The following CLCN6 variants were observed in gnomAD, a reference collection of about 807,000 sequenced individuals.
CLCN6 encodes the protein Cl-/H+ antiporter 6.
Under a neutral mutation model 109.8 loss-of-function variants are expected in CLCN6, and 70 were observed. The observed-to-expected ratio is 0.64, with a 90% confidence interval of 0.53 to 0.78. The LOEUF is 0.78. Among genes scored for constraint, CLCN6 ranks in the 30% least tolerant of loss-of-function variants. The pLI is 0.00. For missense variants in CLCN6, 984 were observed against 1,142.3 expected, an observed-to-expected ratio of 0.86 and a Z score of 2.00; for synonymous variants, 444 against 447.8, an observed-to-expected ratio of 0.99 and a Z score of 0.11.
At chr1:11,832,267 T>C (rs1039226087) in intron 13 of CLCN6, among the ~76,000 whole-genome samples, 3 of 152,222 alleles carry the variant, frequency 2.0e-5, no homozygotes, top group Non-Finnish European at 4.4e-5. Flanking sequence ...TCAACGTCAC[T>C]AGAGAGTGGC....
chr1:11,819,273 C>G (rs534272984), intron 4 of CLCN6, among the ~76,000 whole-genome samples: 100 of 152,304 alleles, frequency 6.6e-4, no homozygotes, highest in Middle Eastern at 3.4e-3. Flanking sequence ...TAGCTGTACT[C>G]TCTGCCTTTG....
rs1490714342 is a variant in CLCN6, at chr1:11,833,900, G to C, written c.1396G>C (p.Ala466Pro). 1.2e-6 allele frequency: 2 copies of C among 1,613,102 alleles called. No individual in the cohort carries two copies. The highest frequency in any genetic ancestry group is 2.2e-5 in the South Asian group (2 of 90,928). ...AGGTACTTTCAGCCCCGTCACTCTG[G>C]CCTTGTTCTTCGTTCTCTATTTCTT... ...QDGTFSPVTLALFFVLYFLLA... is the reference protein window; with the variant it reads ...QDGTFSPVTLPLFFVLYFLLA... Residue 466 changes from alanine to proline, a missense_variant, in exon 15 of 23, where the codon GCC becomes CCC. By Grantham distance (27) the Ala-to-Pro change is conservative. Transcript: ENST00000346436.
rs569321818 is a variant in CLCN6, at chr1:11,829,694, A to G, written c.1248+372A>G. On this transcript the variant is annotated intron_variant, in intron 13 of 22. Coordinates refer to ENST00000346436, the MANE Select transcript of CLCN6 (RefSeq NM_001286.5). ...GCGTCACAGAGGGGAACCTGGGAAC[A>G]ACCCTGGCATCACAGAGGGGAACCT... Among the ~76,000 whole-genome samples, 210 of 136,196 alleles carry G rather than the reference A, an allele frequency of 1.5e-3. 2 individuals carry two copies. Among genetic ancestry groups the G allele is most frequent in the East Asian group, 1.5e-3 (7 of 4,820 alleles). The allele number at this position is 136,196 out of a possible 152,430, so 89.3% of individuals were successfully genotyped here.
chr1:11,836,175 GA>G, intron 18 of CLCN6, 22 bp downstream of exon 18: 2 of 1,604,856 alleles, frequency 1.2e-6, no homozygotes, highest in Admixed American at 1.7e-5. Flanking sequence ...GGCATGAGAG[GA>G]AAGGCAGGTG....
At chr1:11,806,654 C>A (rs1181193215) in intron 1 of CLCN6, 9 of 410,396 alleles carry the variant, frequency 2.2e-5, no homozygotes, top group Admixed American at 4.6e-5. Context: ...GAATGAGCTT[C>A]CTCACAGGAC....
chr1:11,840,330 C>G lies in CLCN6; in HGVS notation c.*107C>G. On this transcript the variant is annotated 3_prime_UTR_variant, in exon 23 of 23. Transcript: ENST00000346436. The stretch of plus-strand genomic sequence containing the variant: ...CCGGGGCATGGAAGATTCCCAGTCA[C>G]CCACTCACTCAGAAAGCCGGGAGTC... 1 of 975,188 alleles carries G rather than the reference C, an allele frequency of 1.0e-6. No individual in the cohort carries two copies. The highest frequency in any genetic ancestry group is 1.3e-5 in the South Asian group (1 of 77,958). 60.4% of individuals were successfully genotyped at this position (975,188 alleles called of 1,614,324 possible).
chr1:11,825,399 A>T (rs1432524231), intron 8 of CLCN6, among the ~76,000 whole-genome samples: 38 of 152,222 alleles, frequency 2.5e-4, no homozygotes, highest in Admixed American at 2.5e-3. Context: ...GGGCAGACAG[A>T]GGACAGGCTC....
intron 19 of CLCN6, 38 bp from the exon 20 acceptor site, chr1:11,837,305 G>C: frequency 1.3e-6 from 2 of 1,598,766 alleles, no homozygotes. Flanking sequence ...CGCTCCCGCT[G>C]AGGGTATCCC....
At chr1:11,815,007 TG>T (rs1644651188) in intron 2 of CLCN6, among the ~76,000 whole-genome samples, 1 of 142,192 alleles carries the variant, frequency 7.0e-6, no homozygotes, top group African/African-American at 2.7e-5. Flanking sequence ...CACTCCAGCC[TG>T]GGCGACAGAG....
chr1:11,806,939 G>C (rs1417865443), intron 1 of CLCN6, 192 bp from the exon 2 acceptor site: 4 of 586,488 alleles, frequency 6.8e-6, no homozygotes, highest in Non-Finnish European at 1.2e-5. Flanking sequence ...TGGAAATGAA[G>C]AGCTCAGCTG....
intron 2 of CLCN6, among the ~76,000 whole-genome samples, chr1:11,814,240 G>T (rs1644639548): frequency 6.8e-6 from 1 of 146,590 alleles, no homozygotes; most frequent in Admixed American, 6.7e-5. Flanking sequence ...TTGCCAAACT[G>T]CTGCGTCTTT....
chr1:11,827,335 G>T, intron 10 of CLCN6, 114 bp downstream of exon 10: 1 of 1,082,164 alleles, frequency 9.2e-7, no homozygotes, highest in Non-Finnish European at 1.3e-6. Flanking sequence ...AACTGGATCA[G>T]AAACAGCTTT....
chr1:11,827,791 G>A (rs1644832194), intron 10 of CLCN6, among the ~76,000 whole-genome samples: 2 of 152,216 alleles, frequency 1.3e-5, no homozygotes, highest in Admixed American at 1.3e-4. Flanking sequence ...GGCTTGGACT[G>A]GAGCCGGTCT....
intron 3 of CLCN6, 31 bp from the exon 4 acceptor site, chr1:11,816,584 A>G: frequency 6.2e-7 from 1 of 1,601,734 alleles, no homozygotes; most frequent in Non-Finnish European, 8.5e-7. Context: ...ATAACCCTGT[A>G]AACTGAATCA....
chr1:11,808,822 T>C (rs145457356), intron 2 of CLCN6, among the ~76,000 whole-genome samples: 50 of 152,190 alleles, frequency 3.3e-4, no homozygotes, highest in African/African-American at 1.2e-3. Flanking sequence ...CAAAAAGCAC[T>C]GTATCCACTG....
chr1:11,824,178 A>G (rs1420921412), intron 7 of CLCN6, among the ~76,000 whole-genome samples: 2 of 152,228 alleles, frequency 1.3e-5, no homozygotes, highest in Non-Finnish European at 2.9e-5. Context: ...TTATGTAACT[A>G]TTTACATGTG....
At chr1:11,810,683 A>G (rs1644587209) in intron 2 of CLCN6, among the ~76,000 whole-genome samples, 1 of 152,248 alleles carries the variant, frequency 6.6e-6, no homozygotes, top group South Asian at 2.1e-4. Flanking sequence ...AGTCATAGCA[A>G]AGGAGAAGTA....
chr1:11,815,050 A>G (rs1031768869), intron 2 of CLCN6, among the ~76,000 whole-genome samples: 18 of 140,028 alleles, frequency 1.3e-4, no homozygotes, highest in Middle Eastern at 3.7e-3. Context: ...AAAAAAAAAA[A>G]GTGGAAGTTG....
At chr1:11,814,475 T>G (rs1644642929) in intron 2 of CLCN6, among the ~76,000 whole-genome samples, 2 of 152,072 alleles carry the variant, frequency 1.3e-5, no homozygotes, top group Non-Finnish European at 2.9e-5. Flanking sequence ...CTCGAACTTC[T>G]GGCCTCAAGT....
Sources: gnomAD v4.1 joint callset for allele counts (sites outside exome capture counted in the v4.1 genomes callset) on GRCh38, gnomAD v4.1.1 for gene constraint, MANE v1.5 for transcripts, NCBI Gene and HGNC (gene_info 2026-07-23, HGNC 2026-07-21) for gene names.